ST18: variants seen among roughly 807,000 people sequenced by gnomAD.
ST18 encodes the protein ST18 C2H2C-type zinc finger transcription factor.
A neutral mutation model predicts 110.0 loss-of-function variants in ST18; 50 were observed. The ratio of observed to expected loss-of-function variants is 0.45; its 90% CI spans 0.36 to 0.58. The LOEUF (loss-of-function observed/expected upper bound fraction) is 0.58. Among genes scored for constraint, ST18 ranks in the 20% least tolerant of loss-of-function variants. The pLI is 0.00. For synonymous variants in ST18, 461 were observed against 452.4 expected (o/e 1.02, Z -0.24); for missense variants, 1,306 against 1,280.1 (o/e 1.02, Z -0.31).
intron 2 of ST18, 22 bp from the exon 3 acceptor site, chr8:52,230,099 G>A (rs1161960141): frequency 1.3e-5 from 2 of 152,374 alleles, no homozygotes; most frequent in Admixed American, 1.3e-4. Flanking sequence ...CATCGGAGGA[G>A]GAAAAATGGA....
At chr8:52,320,224 T>C (rs976846586) in intron 2 of ST18, among the ~76,000 whole-genome samples, 2 of 152,198 alleles carry the variant, frequency 1.3e-5, no homozygotes, top group Admixed American at 1.3e-4. Context: ...GAATTACATA[T>C]ATGTATATAT....
At chr8:52,180,026 A>C in intron 9 of ST18, 96 bp downstream of exon 9, 1 of 1,246,284 alleles carries the variant, frequency 8.0e-7, no homozygotes, top group Admixed American at 2.3e-5. Flanking sequence ...TACTTTTACA[A>C]CCATACAAAC....
At chr8:52,198,676 T>C (rs2076958384) in intron 8 of ST18, among the ~76,000 whole-genome samples, 1 of 152,242 alleles carries the variant, frequency 6.6e-6, no homozygotes, top group African/African-American at 2.4e-5. Flanking sequence ...GTGTAATATC[T>C]CTATGTGTGA....
At chr8:52,169,118 C>T (rs1339834785) in intron 10 of ST18, among the ~76,000 whole-genome samples, 1 of 152,082 alleles carries the variant, frequency 6.6e-6, no homozygotes, top group African/African-American at 2.4e-5. Flanking sequence ...GACAGTCCAC[C>T]GTGCCCCTTT....
chr8:52,371,940 A>G (rs937589663), intron 2 of ST18, among the ~76,000 whole-genome samples: 9 of 152,212 alleles, frequency 5.9e-5, no homozygotes, highest in Non-Finnish European at 1.3e-4. Context: ...TGTATTTACT[A>G]TACTACAATT....
chr8:52,378,914 A>G (rs1370861930), intron 2 of ST18, among the ~76,000 whole-genome samples: 2 of 152,118 alleles, frequency 1.3e-5, no homozygotes, highest in African/African-American at 4.8e-5. Flanking sequence ...TGATACGAGT[A>G]AGAACCACAG....
chr8:52,128,510 A>G (rs2047962054), intron 22 of ST18, among the ~76,000 whole-genome samples: 1 of 152,146 alleles, frequency 6.6e-6, no homozygotes, highest in Non-Finnish European at 1.5e-5. Flanking sequence ...TATTTTTTTC[A>G]AAGGGAAAAT....
chr8:52,329,201 A>T (rs1174701491), intron 2 of ST18, among the ~76,000 whole-genome samples: 2 of 142,774 alleles, frequency 1.4e-5, no homozygotes, highest in Non-Finnish European at 3.0e-5. Context: ...CTGGGTGTGT[A>T]TTCCTATGCA....
chr8:52,254,826 A>G (rs940523763), intron 2 of ST18, among the ~76,000 whole-genome samples: 3 of 152,152 alleles, frequency 2.0e-5, no homozygotes, highest in Non-Finnish European at 4.4e-5. Context: ...GGGACCTGGA[A>G]ATTATTTTCA....
chr8:52,388,843 T>A (rs62501993), intron 2 of ST18, among the ~76,000 whole-genome samples: 20,593 of 140,882 alleles, frequency 0.15, 1,884 homozygotes, highest in East Asian at 0.28. Flanking sequence ...GAGGGATAGC[T>A]TTAGGAGATA....
At position 52,164,003 on chromosome 8, in the gene ST18, A is replaced by G. The variant is rs982746262; in HGVS notation, c.1383T>C (p.Cys461=). Reference sequence around the variant, plus strand: ...GTTCATACCTGTGGGCCTGGTCAGGACACTGCCCAGTTTGGGGAGAATCAA... The same window carrying G: ...GTTCATACCTGTGGGCCTGGTCAGGGCACTGCCCAGTTTGGGGAGAATCAA... The part of the protein sequence containing the change: ...NQLDSPQTGQ[C]PDQAHRTSLV... Residue 461 remains cysteine (C), a synonymous_variant, in exon 13 of 26, where the codon TGT becomes TGC. Coordinates refer to ENST00000689386, the MANE Select transcript of ST18 (RefSeq NM_001352837.2). The G allele has an allele frequency of 3.1e-6, 5 of 1,613,922 alleles. No individual in the cohort carries two copies. In the Admixed American group the frequency reaches 6.7e-5, roughly 22 times the overall value.
At chr8:52,129,889 A>G (rs1032584863) in intron 22 of ST18, among the ~76,000 whole-genome samples, 7 of 151,920 alleles carry the variant, frequency 4.6e-5, no homozygotes, top group African/African-American at 1.7e-4. Context: ...TACTAAAAAT[A>G]CAAAAATTAG....
At chr8:52,203,768 A>G (rs776101924) in intron 8 of ST18, among the ~76,000 whole-genome samples, 11 of 152,160 alleles carry the variant, frequency 7.2e-5, no homozygotes, top group Non-Finnish European at 1.6e-4. Flanking sequence ...GAGGTGCTGA[A>G]GAGTGCATCA....
chr8:52,120,765 A>G (rs928486239), intron 23 of ST18, among the ~76,000 whole-genome samples: 1 of 152,140 alleles, frequency 6.6e-6, no homozygotes, highest in East Asian at 1.9e-4. Context: ...TAGCGGATAG[A>G]TTGGAGAAGA....
At chr8:52,354,030 A>G (rs1821579998) in intron 2 of ST18, among the ~76,000 whole-genome samples, 1 of 151,964 alleles carries the variant, frequency 6.6e-6, no homozygotes, top group South Asian at 2.1e-4. Context: ...CCAGGCCTTC[A>G]CTCTCCCAGC....
chr8:52,151,311 G>C (rs926392772), intron 15 of ST18, among the ~76,000 whole-genome samples: 1 of 151,954 alleles, frequency 6.6e-6, no homozygotes, highest in South Asian at 2.1e-4. Flanking sequence ...TGCAAAGTTT[G>C]TATTTTCAAT....
chr8:52,350,187 T>C (rs574369327), intron 2 of ST18, among the ~76,000 whole-genome samples: 9 of 152,314 alleles, frequency 5.9e-5, no homozygotes, highest in Non-Finnish European at 8.8e-5. Context: ...TTTGAGGTTC[T>C]AACTTAATTA....
intron 2 of ST18, among the ~76,000 whole-genome samples, chr8:52,390,700 T>C (rs1399589957): frequency 2.0e-5 from 3 of 152,130 alleles, no homozygotes; most frequent in Admixed American, 6.5e-5. Flanking sequence ...AGCTGAACAA[T>C]GGCTGCAGAC....
At chr8:52,309,822 A>G (rs1231254884) in intron 2 of ST18, among the ~76,000 whole-genome samples, 2 of 151,992 alleles carry the variant, frequency 1.3e-5, no homozygotes, top group African/African-American at 2.4e-5. Flanking sequence ...GGCATTATGG[A>G]CTCCAGAGTC....
Sources: gnomAD v4.1 joint callset for allele counts (sites outside exome capture counted in the v4.1 genomes callset) on GRCh38, gnomAD v4.1.1 for gene constraint, MANE v1.5 for transcripts, NCBI Gene and HGNC (gene_info 2026-07-23, HGNC 2026-07-21) for gene names.